ANKRD60: variants seen among roughly 807,000 people sequenced by gnomAD.
ANKRD60 encodes ankyrin repeat domain 60.
Under a neutral mutation model 21.3 loss-of-function variants are expected in ANKRD60, and 24 were observed. The ratio of observed to expected loss-of-function variants is 1.13; its 90% CI spans 0.82 to 1.59. The LOEUF is 1.59. ANKRD60 is among the 40% of genes most tolerant of loss of function. ANKRD60 has a pLI of 0.00. For synonymous variants in ANKRD60, 182 were observed against 199.4 expected (o/e 0.91, Z 0.74); for missense variants, 490 against 466.7 (o/e 1.05, Z -0.46).
intron 1 of ANKRD60, among the ~76,000 whole-genome samples, chr20:58,227,468 T>C (rs1256808602): frequency 6.6e-6 from 1 of 152,060 alleles, no homozygotes; most frequent in East Asian, 1.9e-4. Context: ...GCATGTGTGC[T>C]CTGGATTTTG....
chr20:58,227,835 T>G (rs618897), intron 1 of ANKRD60, among the ~76,000 whole-genome samples: 42,578 of 151,676 alleles, frequency 0.28, 6,284 homozygotes, highest in South Asian at 0.44. Flanking sequence ...ATGAACAGAG[T>G]TGGCTTTGGG....
downstream of ANKRD60, among the ~76,000 whole-genome samples, chr20:58,216,949 C>T (rs1001422451): frequency 2.6e-5 from 4 of 152,232 alleles, no homozygotes; most frequent in African/African-American, 9.6e-5. Flanking sequence ...AGACCCGTGG[C>T]TACTCCTTCA....
intron 3 of ANKRD60, among the ~76,000 whole-genome samples, chr20:58,219,435 G>A (rs933744848): frequency 4.6e-5 from 7 of 152,230 alleles, no homozygotes; most frequent in Admixed American, 2.6e-4. Context: ...CACACATCTG[G>A]CTTGTTGCTG....
chr20:58,228,314 C>T lies in ANKRD60; in HGVS notation c.340G>A (p.Gly114Ser), dbSNP rs376978673. ...TTGAGCTCCCGCACGGTCATGTCGC[C>T]GCGGCAGTTTGCCACTCGGAACATC... is the stretch of plus-strand genomic sequence containing the variant. Residue 114 changes from glycine (G) to serine (S), a missense_variant, in exon 1 of 4, where the codon GGC (glycine) becomes AGC (serine). Gly to Ser is a moderately conservative substitution (Grantham distance 56, BLOSUM62 0). Coordinates refer to ENST00000457363, the Ensembl canonical transcript of ANKRD60. This position sits in a 1 kb window ranked among gnomAD's most constrained non-coding sequence, Gnocchi z 5.3. The T allele has an allele frequency of 2.1e-5, 33 of 1,551,258 alleles. No homozygotes were observed. The highest frequency in any genetic ancestry group is 2.0e-4 in the Admixed American group (10 of 50,972).
chr20:58,223,723 G>T (rs1984309467), intron 1 of ANKRD60, among the ~76,000 whole-genome samples: 1 of 152,110 alleles, frequency 6.6e-6, no homozygotes, highest in African/African-American at 2.4e-5. Flanking sequence ...CTTGTGGCAG[G>T]GGCCCCTCCT....
chr20:58,222,817 G>A (rs892798418), intron 2 of ANKRD60, among the ~76,000 whole-genome samples: 1 of 152,212 alleles, frequency 6.6e-6, no homozygotes, highest in African/African-American at 2.4e-5. Context: ...TGCGGGGAGG[G>A]GTGGGGCGGT....
intron 1 of ANKRD60, among the ~76,000 whole-genome samples, chr20:58,226,753 G>C (rs756407585): frequency 6.6e-6 from 1 of 152,116 alleles, no homozygotes; most frequent in African/African-American, 2.4e-5. Context: ...AGGGGATTTG[G>C]GTTCTGGTAT....
At chr20:58,217,437 A>G (rs527497906), downstream of ANKRD60, among the ~76,000 whole-genome samples, 1 of 143,386 alleles carries the variant, frequency 7.0e-6, no homozygotes, top group South Asian at 2.2e-4. Context: ...TCAAAAAAAG[A>G]AAAAAAAAAA....
In ANKRD60 at chr20:58,228,251, G is replaced by A; in HGVS notation, c.403C>T (p.Leu135Phe). Reference sequence around the variant, plus strand: ...TCGTCGAGGTACTGGAGCCGCTGGAGGTTGAAGGGGATGCCGACCATCAGG... The same window carrying A: ...TCGTCGAGGTACTGGAGCCGCTGGAAGTTGAAGGGGATGCCGACCATCAGG... The change falls in exon 1 of 4, where the codon CTC becomes TTC. Residue 135 changes from leucine to phenylalanine, a missense_variant. Transcript: ENST00000457363. The surrounding 1 kb of genome is among the most constrained non-coding windows in gnomAD (Gnocchi z 5.3). 6.4e-7 allele frequency: 1 copy of A among 1,550,904 alleles called. No individual in the cohort carries two copies. The highest frequency in any genetic ancestry group is 8.7e-7 in the Non-Finnish European group (1 of 1,146,572).
At chr20:58,227,349 A>G (rs769346162) in intron 1 of ANKRD60, among the ~76,000 whole-genome samples, 3 of 151,862 alleles carry the variant, frequency 2.0e-5, no homozygotes, top group Non-Finnish European at 2.9e-5. Flanking sequence ...TGGGGTCCTG[A>G]GATGGACAGG....
intron 2 of ANKRD60, 101 bp downstream of exon 2, chr20:58,222,951 G>A (rs1004193637): frequency 8.1e-6 from 11 of 1,350,380 alleles, no homozygotes; most frequent in Non-Finnish European, 1.1e-5. Flanking sequence ...TCCCTGCTCT[G>A]AAACTGTTAT....
downstream of ANKRD60, among the ~76,000 whole-genome samples, chr20:58,218,217 C>A (rs548529145): frequency 6.6e-6 from 1 of 152,268 alleles, no homozygotes; most frequent in South Asian, 2.1e-4. Flanking sequence ...CTCCCATCAC[C>A]CTGAGCAGCG....
At chr20:58,222,920 A>T (rs900123275) in intron 2 of ANKRD60, 132 bp downstream of exon 2, 2 of 1,167,846 alleles carry the variant, frequency 1.7e-6, no homozygotes, top group African/African-American at 3.1e-5. Flanking sequence ...CATAATTATG[A>T]CACGGCTCAT....
At chr20:58,223,233 C>T in intron 1 of ANKRD60, 51 bp from the exon 2 acceptor site, 1 of 1,449,776 alleles carries the variant, frequency 6.9e-7, no homozygotes, top group Non-Finnish European at 9.3e-7. Context: ...TAAAGATAAA[C>T]TACTACATTG....
intron 1 of ANKRD60, among the ~76,000 whole-genome samples, chr20:58,223,560 C>T (rs969080846): frequency 1.4e-4 from 22 of 152,162 alleles, no homozygotes; most frequent in African/African-American, 5.1e-4. Context: ...TGTGGTTATA[C>T]AAATCATATA....
rs1278363784 is a variant in ANKRD60, at chr20:58,223,341, T to C, written c.431-159A>G. ...TGATGGTGTCGCGTGGGTCTGTCTG[T>C]TGTTGGTAATGCTTTTCAGAAAATA... On this transcript the variant is annotated intron_variant, in intron 1 of 3. Coordinates refer to ENST00000457363, the Ensembl canonical transcript of ANKRD60. Among the ~76,000 whole-genome samples, 13 of 152,378 alleles carry C rather than the reference T, an allele frequency of 8.5e-5. No homozygotes were observed. In the East Asian group the frequency reaches 2.5e-3, roughly 29 times the overall value.
At chr20:58,224,027 A>G (rs1984317333) in intron 1 of ANKRD60, among the ~76,000 whole-genome samples, 1 of 151,828 alleles carries the variant, frequency 6.6e-6, no homozygotes, top group African/African-American at 2.4e-5. Flanking sequence ...ACCTGAGCCT[A>G]GGAGACAGAG....
intron 2 of ANKRD60, among the ~76,000 whole-genome samples, chr20:58,222,092 A>T (rs1327324993): frequency 6.6e-6 from 1 of 152,208 alleles, no homozygotes; most frequent in African/African-American, 2.4e-5. Context: ...GAGGATCAGA[A>T]TCGAGACGAG....
intron 1 of ANKRD60, among the ~76,000 whole-genome samples, chr20:58,224,403 C>T (rs1396646555): frequency 2.0e-5 from 3 of 152,172 alleles, no homozygotes; most frequent in Non-Finnish European, 2.9e-5. Flanking sequence ...GTTCCCAGAC[C>T]GAGTACCTAT....
Sources: gnomAD v4.1 joint callset for allele counts (sites outside exome capture counted in the v4.1 genomes callset) on GRCh38, gnomAD v4.1.1 for gene constraint, Gnocchi (gnomAD v3.1) non-coding constraint, MANE v1.5 for transcripts, NCBI Gene and HGNC (gene_info 2026-07-23, HGNC 2026-07-21) for gene names.